Variants in SNRPN observed in about 807,000 individuals in gnomAD.
SNRPN encodes the protein small nuclear ribonucleoprotein polypeptide N.
A neutral mutation model predicts 25.2 loss-of-function variants in SNRPN; 7 were observed. The observed-to-expected ratio is 0.28, with a 90% CI of 0.16 to 0.52. The LOEUF is 0.52. Among genes scored for constraint, SNRPN ranks in the 20% least tolerant of loss-of-function variants. SNRPN has a pLI of 0.96. For synonymous variants in SNRPN, 124 were observed against 110.6 expected (o/e 1.12, Z -0.76); for missense variants, 196 against 322.5 (o/e 0.61, Z 3.00).
chr15:24,954,898 A>G (rs2062578019), upstream of SNRPN: 4 of 1,153,452 alleles, frequency 3.5e-6, no homozygotes, highest in South Asian at 5.5e-5. Flanking sequence ...GCGGCAAACA[A>G]GCACGCCTGC....
At position 24,978,630 on chromosome 15, in the gene SNRPN, T is replaced by TA. The variant is rs1158150767; in HGVS notation, c.*188dup. The stretch of plus-strand genomic sequence containing the variant: ...TTGCCTGTTGATTTTGATGAGATCT[T>TA]AAGTTACTGTGGATGAGGGTGATGC... On this transcript the variant is annotated 3_prime_UTR_variant, in exon 10 of 10. Coordinates refer to ENST00000390687, the MANE Select transcript of SNRPN (RefSeq NM_003097.6). The TA allele has an allele frequency of 4.8e-6, 3 of 630,078 alleles. No homozygotes were observed. Among genetic ancestry groups the TA allele is most frequent in the Admixed American group, 5.5e-5 (2 of 36,134 alleles). The allele number at this position is 630,078 out of a possible 1,614,324, so 39.0% of individuals were successfully genotyped here.
At chr15:24,959,121 C>T (rs1207115482) in intron 1 of SNRPN, among the ~76,000 whole-genome samples, 4 of 152,168 alleles carry the variant, frequency 2.6e-5, no homozygotes, top group South Asian at 2.1e-4. Flanking sequence ...AATATATTTC[C>T]GGATTATTAC....
upstream of SNRPN, among the ~76,000 whole-genome samples, chr15:24,953,584 G>C (rs773041448): frequency 6.6e-6 from 1 of 152,180 alleles, no homozygotes; most frequent in Non-Finnish European, 1.5e-5. Flanking sequence ...GCCTCCCAAA[G>C]TGCTGGGAAT....
At position 24,872,030 on chromosome 15, in the gene SNRPN, T is replaced by C. The variant is rs930871095; in HGVS notation, c.-578-14486T>C. On this transcript the variant is annotated intron_variant, in intron 1 of 11. Coordinates refer to the SNRPN transcript ENST00000400097. ...TTTTGTCCTCTTTTTAGGGTTGTTT[T>C]ATACTTCTTGATAGTATATGTTGAA... Among the ~76,000 whole-genome samples, 4 of 121,334 alleles carry C rather than the reference T, an allele frequency of 3.3e-5. 2 individuals carry two copies. Among genetic ancestry groups the C allele is most frequent in the African/African-American group, 1.1e-4 (4 of 35,516 alleles). 79.6% of individuals were successfully genotyped at this position (121,334 alleles called of 152,430 possible).
At chr15:24,918,534 CATAAT>C (rs1418315243) in intron 2 of SNRPN, among the ~76,000 whole-genome samples, 1 of 112,492 alleles carries the variant, frequency 8.9e-6, no homozygotes, top group Admixed American at 1.1e-4. Flanking sequence ...GTATATATAA[CATAAT>C]ATATATGTGT....
chr15:24,968,933 T>G (rs1047321702), intron 3 of SNRPN: 6 of 152,150 alleles, frequency 3.9e-5, no homozygotes, highest in African/African-American at 1.4e-4. Context: ...CCTCTGTGAT[T>G]TTTCTTTTTT....
intron 2 of SNRPN, among the ~76,000 whole-genome samples, chr15:24,830,922 A>G (rs969007684): frequency 3.3e-5 from 5 of 152,030 alleles, no homozygotes; most frequent in African/African-American, 1.2e-4. Flanking sequence ...AAGTCTGTAG[A>G]TGTCAATTAT....
At chr15:24,931,355 A>G (rs2060839227) in intron 3 of SNRPN, among the ~76,000 whole-genome samples, 1 of 152,170 alleles carries the variant, frequency 6.6e-6, no homozygotes, top group African/African-American at 2.4e-5. Context: ...TTAATCACTA[A>G]TAACTATTGT....
intron 1 of SNRPN, among the ~76,000 whole-genome samples, chr15:24,961,007 G>A (rs1169420706): frequency 6.6e-6 from 1 of 152,020 alleles, no homozygotes; most frequent in East Asian, 1.9e-4. Flanking sequence ...AAACTTAGCT[G>A]TATGTTAAGC....
intron 2 of SNRPN, among the ~76,000 whole-genome samples, chr15:24,837,420 T>G (rs528874339): frequency 4.6e-5 from 7 of 150,652 alleles, no homozygotes; most frequent in Non-Finnish European, 8.8e-5. Flanking sequence ...CAGGCTGGAG[T>G]GCAGTGGCTG....
At chr15:24,896,743 ATGT>A (rs1193614201) in intron 2 of SNRPN, among the ~76,000 whole-genome samples, 1 of 151,938 alleles carries the variant, frequency 6.6e-6, no homozygotes, top group Non-Finnish European at 1.5e-5. Flanking sequence ...GCCTTCCCTG[ATGT>A]CAGGGAAAAT....
chr15:24,892,010 T>A lies in SNRPN; in HGVS notation c.-505+5421T>A, dbSNP rs186753857. On this transcript the variant is annotated intron_variant, in intron 2 of 11. Coordinates refer to the SNRPN transcript ENST00000400097. The stretch of plus-strand genomic sequence containing the variant: ...ACAAGTTAAGGCTATGTACTAAATA[T>A]TAGGCCTAATGCTTTTTACCAATAT... 9.6e-4 allele frequency among the ~76,000 whole-genome samples: 146 copies of A among 152,224 alleles called. 1 individual carries two copies. The highest frequency in any genetic ancestry group is 3.3e-3 in the African/African-American group (139 of 41,536).
chr15:24,846,650 T>G (rs1422724146), intron 2 of SNRPN, among the ~76,000 whole-genome samples: 1 of 152,150 alleles, frequency 6.6e-6, no homozygotes, highest in African/African-American at 2.4e-5. Context: ...AAAAGAAGGA[T>G]TAGTATTCAG....
chr15:24,920,450 A>G (rs1374939571), intron 3 of SNRPN: 1 of 152,204 alleles, frequency 6.6e-6, no homozygotes, highest in Non-Finnish European at 1.5e-5. Context: ...TGCAAGCTCC[A>G]TCCCAGGGTT....
intron 2 of SNRPN, among the ~76,000 whole-genome samples, chr15:24,842,606 A>AC (rs917573721): frequency 1.4e-4 from 22 of 152,296 alleles, no homozygotes; most frequent in African/African-American, 4.8e-4. Context: ...TTAAGGAAAT[A>AC]CTGCTTTCAG....
intron 2 of SNRPN, among the ~76,000 whole-genome samples, chr15:24,896,618 G>A (rs1357171034): frequency 6.6e-6 from 1 of 152,062 alleles, no homozygotes; most frequent in Non-Finnish European, 1.5e-5. Flanking sequence ...GGAGACTGAG[G>A]CAGGAGAATG....
intron 3 of SNRPN, among the ~76,000 whole-genome samples, chr15:24,923,917 ATAAACATTT>A (rs1436548832): frequency 6.6e-5 from 4 of 60,698 alleles, no homozygotes; most frequent in African/African-American, 2.0e-4. Context: ...GTGTGTGTAT[ATAAACATTT>A]TTTTTTTTTT....
intron 3 of SNRPN, among the ~76,000 whole-genome samples, chr15:24,970,235 G>A (rs767731812): frequency 6.6e-5 from 10 of 152,218 alleles, no homozygotes; most frequent in East Asian, 5.8e-4. Flanking sequence ...CTTCGTACCC[G>A]TTTTCATTAA....
Position 24,834,923 on chromosome 15 carries a change from GA to G in SNRPN, c.-579+5030del, listed in dbSNP as rs375542455. Among the ~76,000 whole-genome samples, 12 of 59,450 alleles carry G rather than the reference GA, an allele frequency of 2.0e-4. 1 individual carries two copies. The highest frequency in any genetic ancestry group is 5.0e-4 in the South Asian group (1 of 2,004). The allele number at this position is 59,450 out of a possible 152,430, so 39.0% of individuals were successfully genotyped here. ...TGGGCAACAGAGCGAGACTCCATCT[GA>G]AAAAAAAAAAAGAAATGCATATAAT... On this transcript the variant is annotated intron_variant, in intron 2 of 12. Coordinates refer to the SNRPN transcript ENST00000400100.
Sources: gnomAD v4.1 joint callset for allele counts (sites outside exome capture counted in the v4.1 genomes callset) on GRCh38, gnomAD v4.1.1 for gene constraint, MANE v1.5 for transcripts, NCBI Gene and HGNC (gene_info 2026-07-23, HGNC 2026-07-21) for gene names.